The following CRYBB1 variants were observed in gnomAD, a reference collection of about 807,000 sequenced individuals.
CRYBB1 encodes the protein beta-crystallin B1.
Under a neutral mutation model 29.5 loss-of-function variants are expected in CRYBB1, and 16 were observed. That is an observed-to-expected ratio of 0.54 (90% CI 0.37 to 0.82). The LOEUF is 0.82. CRYBB1 is among the 40% of genes least tolerant of loss of function. The pLI, the probability that CRYBB1 is intolerant of heterozygous loss-of-function variation, is 0.00. For synonymous variants in CRYBB1, 127 were observed against 136.7 expected (o/e 0.93, Z 0.49); for missense variants, 300 against 350.5 (o/e 0.86, Z 1.15).
chr22:26,601,105 A>G (rs1221561613), intron 5 of CRYBB1, among the ~76,000 whole-genome samples: 1 of 152,222 alleles, frequency 6.6e-6, no homozygotes, highest in Non-Finnish European at 1.5e-5. Flanking sequence ...GGGAGGCAGA[A>G]AGGAACAAGA....
chr22:26,613,470 T>C (rs1163656425), intron 2 of CRYBB1, among the ~76,000 whole-genome samples: 3 of 152,252 alleles, frequency 2.0e-5, no homozygotes, highest in African/African-American at 7.2e-5. Flanking sequence ...GAAGATTTCA[T>C]GGACATTTAT....
chr22:26,599,746 C>A, intron 5 of CRYBB1, 73 bp from the exon 6 acceptor site: 1 of 1,184,174 alleles, frequency 8.4e-7, no homozygotes, highest in Non-Finnish European at 1.3e-6. Flanking sequence ...CCTGCCAGAC[C>A]AGCCTGTCCT....
chr22:26,612,346 C>A (rs975698500), intron 2 of CRYBB1, among the ~76,000 whole-genome samples, 156 bp from the exon 3 acceptor site: 1 of 152,152 alleles, frequency 6.6e-6, no homozygotes, highest in Non-Finnish European at 1.5e-5. Context: ...TCCCCCAATT[C>A]TTTACTGATT....
chr22:26,612,593 T>C (rs1929213150), intron 2 of CRYBB1, among the ~76,000 whole-genome samples: 1 of 152,224 alleles, frequency 6.6e-6, no homozygotes, highest in Non-Finnish European at 1.5e-5. Context: ...GCTCAAATGA[T>C]TGGCCTGCCT....
At chr22:26,612,258 C>T (rs987768088) in intron 2 of CRYBB1, 68 bp from the exon 3 acceptor site, 2 of 1,070,272 alleles carry the variant, frequency 1.9e-6, no homozygotes, top group African/African-American at 3.1e-5. Context: ...TAAGTATCTA[C>T]ATAAATAAAA....
chr22:26,617,490 G>T (rs552698148), intron 1 of CRYBB1, among the ~76,000 whole-genome samples: 2 of 152,232 alleles, frequency 1.3e-5, no homozygotes, highest in South Asian at 4.2e-4. Flanking sequence ...CAGGGGTGAG[G>T]CCAGACATCT....
intron 2 of CRYBB1, among the ~76,000 whole-genome samples, chr22:26,614,506 G>T (rs1929280303): frequency 6.6e-6 from 1 of 152,176 alleles, no homozygotes; most frequent in East Asian, 1.9e-4. Context: ...GTTCACGAGA[G>T]CAAAGCTAGC....
Position 26,612,052 on chromosome 22 carries a change from C to T in CRYBB1, c.299+20G>A, listed in dbSNP as rs1422955698. 6.4e-7 allele frequency: 1 copy of T among 1,566,240 alleles called. No homozygotes were observed. ...TTTTACTGTGGCAGAGAGTGTGCCC[C>T]TCCGCCGCCCAGTACTCACGGTCCC... On this transcript the variant is annotated intron_variant, in intron 3 of 5. Coordinates refer to ENST00000647684, the MANE Select transcript of CRYBB1 (RefSeq NM_001887.4).
intron 4 of CRYBB1, among the ~76,000 whole-genome samples, chr22:26,605,278 T>C (rs1569204746): frequency 6.6e-6 from 1 of 152,186 alleles, no homozygotes; most frequent in Non-Finnish European, 1.5e-5. Context: ...ATTAGCTTTT[T>C]GATAGCTGCC....
intron 4 of CRYBB1, among the ~76,000 whole-genome samples, chr22:26,605,969 T>C (rs527727342): frequency 6.6e-6 from 1 of 152,312 alleles, no homozygotes; most frequent in Admixed American, 6.5e-5. Context: ...GCTTTGAATG[T>C]GGCCCAACAC....
chr22:26,610,799 A>G (rs6005091), intron 3 of CRYBB1, among the ~76,000 whole-genome samples: 6,558 of 152,206 alleles, frequency 0.043, 451 homozygotes, highest in African/African-American at 0.15. Flanking sequence ...CCTTCTCCCC[A>G]TTTCAAAGAT....
chr22:26,612,228 G>T, intron 2 of CRYBB1, 38 bp from the exon 3 acceptor site: 1 of 1,403,406 alleles, frequency 7.1e-7, no homozygotes. Flanking sequence ...GGCAGAGTGA[G>T]GGGGGAGTCA....
intron 2 of CRYBB1, among the ~76,000 whole-genome samples, chr22:26,615,567 G>A (rs1350642931): frequency 6.6e-6 from 1 of 151,564 alleles, no homozygotes; most frequent in Non-Finnish European, 1.5e-5. Flanking sequence ...AGGCTGGAGT[G>A]CAGTGGCATG....
At chr22:26,607,563 A>G (rs937864312) in intron 4 of CRYBB1, among the ~76,000 whole-genome samples, 25 of 148,280 alleles carry the variant, frequency 1.7e-4, no homozygotes, top group East Asian at 5.9e-4. Flanking sequence ...TCTTTGGGAA[A>G]AAAAAAAAAA....
In CRYBB1 at chr22:26,599,616, A is replaced by C. The variant is rs1228538384; in HGVS notation, c.633T>G (p.Gly211=). The C allele has an allele frequency of 6.2e-7, 1 of 1,614,166 alleles. No homozygotes were observed. Among genetic ancestry groups the C allele is most frequent in the Non-Finnish European group, 8.5e-7 (1 of 1,180,022 alleles). ...CCCACTCATTCCAGTGCCGGAAGTC[A>C]CCAGGCTCTAGGAGGTACTGGTACC... is the stretch of plus-strand genomic sequence containing the variant. ...YRGYQYLLEP[G]DFRHWNEWGA... is the part of the protein sequence containing the mutation. The change falls in exon 6 of 6, where the codon GGT becomes GGG. Residue 211 remains glycine, a synonymous_variant. Transcript: ENST00000647684.
At chr22:26,600,262 TGTG>T (rs920704452) in intron 5 of CRYBB1, among the ~76,000 whole-genome samples, 49 of 151,996 alleles carry the variant, frequency 3.2e-4, no homozygotes, top group African/African-American at 1.2e-3. Flanking sequence ...ATTAGCAGGG[TGTG>T]GTGGTGGGCA....
intron 4 of CRYBB1, 115 bp downstream of exon 4, chr22:26,607,774 G>C (rs1014155527): frequency 7.0e-7 from 1 of 1,431,908 alleles, no homozygotes; most frequent in African/African-American, 1.4e-5. Flanking sequence ...CAACTCGGAG[G>C]CTGCCACGCC....
At chr22:26,606,708 A>T (rs1928985853) in intron 4 of CRYBB1, among the ~76,000 whole-genome samples, 1 of 152,238 alleles carries the variant, frequency 6.6e-6, no homozygotes, top group Non-Finnish European at 1.5e-5. Flanking sequence ...AAATTTGGTG[A>T]TGTCAAAACA....
intron 2 of CRYBB1, among the ~76,000 whole-genome samples, chr22:26,613,632 C>G (rs1929249132): frequency 6.6e-6 from 1 of 152,188 alleles, no homozygotes; most frequent in Non-Finnish European, 1.5e-5. Flanking sequence ...ATCTCTTAAT[C>G]CTGTCAGCTG....
Sources: allele counts gnomAD v4.1 joint callset (sites outside exome capture counted in the v4.1 genomes callset), GRCh38; gene constraint gnomAD v4.1.1; transcripts MANE v1.5; gene names NCBI Gene and HGNC (gene_info 2026-07-23, HGNC 2026-07-21).